Variants in GRIK3 observed in about 807,000 individuals in gnomAD.
GRIK3 encodes glutamate ionotropic receptor kainate type subunit 3.
In GRIK3, 29 loss-of-function variants were observed where a neutral mutation model predicts 102.5. The observed-to-expected ratio is 0.28, with a 90% confidence interval of 0.21 to 0.39. The LOEUF (loss-of-function observed/expected upper bound fraction) is 0.39. GRIK3 is among the 10% of genes least tolerant of loss of function. The pLI, the probability that GRIK3 is intolerant of heterozygous loss-of-function variation, is 1.00. For synonymous variants in GRIK3, 511 were observed against 504.9 expected, an observed-to-expected ratio of 1.01 and a Z score of -0.16; for missense variants, 908 against 1,252.4, an observed-to-expected ratio of 0.73 and a Z score of 4.15.
At position 36,908,823 on chromosome 1, in the gene GRIK3, A is replaced by C. The variant is rs896969355; in HGVS notation, c.116-17727T>G. Among the ~76,000 whole-genome samples, 4 of 149,958 alleles carry C rather than the reference A, an allele frequency of 2.7e-5. No individual in the cohort carries two copies. In the East Asian group the frequency reaches 8.0e-4, roughly 30 times the overall value. On this transcript the variant is annotated intron_variant, in intron 1 of 15. Coordinates refer to ENST00000373091, the MANE Select transcript of GRIK3 (RefSeq NM_000831.4). ...TGTGTGTGTGTAGGGAGGGGTGTGT[A>C]AGATGAGTCCCAGAAGACGTGAGCA...
intron 1 of GRIK3, among the ~76,000 whole-genome samples, chr1:36,905,883 G>C (rs1641279440): frequency 6.6e-6 from 1 of 152,180 alleles, no homozygotes; most frequent in Admixed American, 6.5e-5. Context: ...GGGATAAAAA[G>C]TCAGGGGACA....
chr1:36,801,652 T>A lies in GRIK3; in HGVS notation c.*199A>T. On this transcript the variant is annotated 3_prime_UTR_variant, in exon 16 of 16. Transcript: ENST00000373091. ...GGCAGCTTTAGAAACCCACAGAAGA[T>A]CTGAGGAGGATGAAGCCCAAGCAGC... The A allele has an allele frequency of 2.1e-6, 1 of 473,780 alleles. No homozygotes were observed. The allele number at this position is 473,780 out of a possible 1,614,324, so 29.3% of individuals were successfully genotyped here.
intron 1 of GRIK3, among the ~76,000 whole-genome samples, chr1:36,939,807 G>A (rs1210215696): frequency 2.0e-5 from 3 of 152,228 alleles, no homozygotes; most frequent in African/African-American, 4.8e-5. Flanking sequence ...AGGATTCCAC[G>A]TGAATCAGAG....
intron 1 of GRIK3, among the ~76,000 whole-genome samples, chr1:36,984,162 C>A (rs1642279349): frequency 6.6e-6 from 1 of 152,226 alleles, no homozygotes. Context: ...CACTCATGGG[C>A]CACACACATG....
intron 5 of GRIK3, among the ~76,000 whole-genome samples, chr1:36,861,919 T>C (rs1640731434): frequency 6.6e-6 from 1 of 152,024 alleles, no homozygotes; most frequent in African/African-American, 2.4e-5. Context: ...GGTGTCTCTG[T>C]GGCCCCAGTG....
chr1:36,963,184 A>G (rs1321057946), intron 1 of GRIK3, among the ~76,000 whole-genome samples: 2 of 152,082 alleles, frequency 1.3e-5, no homozygotes, highest in Non-Finnish European at 2.9e-5. Context: ...ACAGGAGCTA[A>G]TCCTTGGTCT....
chr1:36,808,479 C>T (rs1570736071), intron 13 of GRIK3, among the ~76,000 whole-genome samples: 1 of 152,352 alleles, frequency 6.6e-6, no homozygotes, highest in East Asian at 1.9e-4. Flanking sequence ...TGGAAGCTGG[C>T]TGTCATGTTG....
chr1:37,032,893 C>T (rs931956731), intron 1 of GRIK3, among the ~76,000 whole-genome samples: 1 of 152,200 alleles, frequency 6.6e-6, no homozygotes, highest in Non-Finnish European at 1.5e-5. Flanking sequence ...TCTTTCACGC[C>T]GCTGGCAGCC....
chr1:37,024,612 A>G (rs1471935744), intron 1 of GRIK3, among the ~76,000 whole-genome samples: 1 of 151,670 alleles, frequency 6.6e-6, no homozygotes, highest in African/African-American at 2.4e-5. Context: ...GCATGGTGGC[A>G]GGTGCCTGTA....
chr1:37,018,724 C>T (rs1460502958), intron 1 of GRIK3, among the ~76,000 whole-genome samples: 2 of 152,114 alleles, frequency 1.3e-5, no homozygotes, highest in African/African-American at 2.4e-5. Flanking sequence ...AGGCTGTCTG[C>T]CCTCACACAG....
chr1:36,841,680 T>C, intron 10 of GRIK3, 56 bp downstream of exon 10: 2 of 1,456,328 alleles, frequency 1.4e-6, no homozygotes, highest in Non-Finnish European at 9.6e-7. Context: ...TGCAGACAGT[T>C]CTAGGCCAAG....
chr1:36,986,416 G>GTCTA (rs1553125905), intron 1 of GRIK3, among the ~76,000 whole-genome samples: 1 of 130,678 alleles, frequency 7.7e-6, no homozygotes, highest in Non-Finnish European at 1.6e-5. Context: ...CCATCTCTCT[G>GTCTA]TCCATCCATC....
chr1:36,806,565 T>C lies in GRIK3; in HGVS notation c.2092-239A>G, dbSNP rs1642504630. Reference sequence around the variant, plus strand: ...ACTCAGGCCTGCTTCCTGGAAACCCTGGCCATGGCACAAGTGGTCTTCAAG... The same window carrying C: ...ACTCAGGCCTGCTTCCTGGAAACCCCGGCCATGGCACAAGTGGTCTTCAAG... On this transcript the variant is annotated intron_variant, in intron 13 of 15. Coordinates refer to ENST00000373091, the MANE Select transcript of GRIK3 (RefSeq NM_000831.4). The surrounding 1 kb of genome is among the most constrained non-coding windows in gnomAD (Gnocchi z 4.0). 6.6e-6 allele frequency among the ~76,000 whole-genome samples: 1 copy of C among 152,218 alleles called. No homozygotes were observed. The highest frequency in any genetic ancestry group is 2.4e-5 in the African/African-American group (1 of 41,462).
chr1:36,905,830 T>C (rs1641278980), intron 1 of GRIK3, among the ~76,000 whole-genome samples: 1 of 152,094 alleles, frequency 6.6e-6, no homozygotes, highest in South Asian at 2.1e-4. Context: ...AGAGGTCTGG[T>C]TATTACAGAT....
At chr1:36,982,025 C>T (rs1183028595) in intron 1 of GRIK3, among the ~76,000 whole-genome samples, 1 of 152,170 alleles carries the variant, frequency 6.6e-6, no homozygotes, top group Non-Finnish European at 1.5e-5. Flanking sequence ...GAGTCCTCCC[C>T]AGGCACCCAG....
intron 7 of GRIK3, among the ~76,000 whole-genome samples, chr1:36,857,701 G>A (rs543338553): frequency 1.8e-4 from 28 of 152,368 alleles, no homozygotes; most frequent in Middle Eastern, 6.8e-3. Context: ...TACTGTGTGA[G>A]AGGAGCTGTA....
chr1:36,913,008 G>A (rs551032517), intron 1 of GRIK3, among the ~76,000 whole-genome samples: 5 of 152,242 alleles, frequency 3.3e-5, no homozygotes, highest in South Asian at 2.1e-4. Flanking sequence ...CAAGCCCTCC[G>A]CTACCCCAGC....
intron 1 of GRIK3, among the ~76,000 whole-genome samples, chr1:36,950,529 T>C (rs1010971110): frequency 1.3e-5 from 2 of 152,212 alleles, no homozygotes; most frequent in East Asian, 1.9e-4. Context: ...ACAAATCAGA[T>C]TTCAGGAAGA....
intron 1 of GRIK3, among the ~76,000 whole-genome samples, chr1:36,903,559 G>C (rs1641253810): frequency 6.6e-6 from 1 of 152,228 alleles, no homozygotes; most frequent in Non-Finnish European, 1.5e-5. Context: ...AAACATGGGA[G>C]AAATCAAGAT....
Sources: gnomAD v4.1 joint callset for allele counts (sites outside exome capture counted in the v4.1 genomes callset) on GRCh38, gnomAD v4.1.1 for gene constraint, Gnocchi (gnomAD v3.1) non-coding constraint, MANE v1.5 for transcripts, NCBI Gene and HGNC (gene_info 2026-07-23, HGNC 2026-07-21) for gene names.